Variants in KCNIP4 observed in about 807,000 individuals in gnomAD.
KCNIP4 encodes Kv channel-interacting protein 4.
KCNIP4 carries 12 observed loss-of-function variants against 34.0 expected under a neutral mutation model. The observed-to-expected ratio is 0.35, with a 90% CI of 0.23 to 0.57. The LOEUF (loss-of-function observed/expected upper bound fraction) is 0.57, where lower values mean the gene tolerates loss of function less well. Among genes scored for constraint, KCNIP4 ranks in the 20% least tolerant of loss-of-function variants. The pLI, the probability that KCNIP4 is intolerant of heterozygous loss-of-function variation, is 0.83. For synonymous variants in KCNIP4, 124 were observed against 102.2 expected (o/e 1.21, Z -1.29); for missense variants, 238 against 311.7 (o/e 0.76, Z 1.78).
chr4:20,927,794 T>C (rs1382077478), intron 1 of KCNIP4, among the ~76,000 whole-genome samples: 2 of 152,192 alleles, frequency 1.3e-5, no homozygotes, highest in Admixed American at 6.5e-5. Context: ...TGTATTCAAC[T>C]GAATAGTAAC....
At chr4:21,560,708 C>G (rs1739434911) in intron 1 of KCNIP4, among the ~76,000 whole-genome samples, 1 of 152,078 alleles carries the variant, frequency 6.6e-6, no homozygotes, top group Admixed American at 6.6e-5. Flanking sequence ...AGCAATGAAA[C>G]CATTTGGGGT....
At chr4:21,477,510 G>A (rs890637777) in intron 1 of KCNIP4, among the ~76,000 whole-genome samples, 3 of 152,118 alleles carry the variant, frequency 2.0e-5, no homozygotes, top group Admixed American at 2.0e-4. Flanking sequence ...TATTATGGGG[G>A]CCACAACTCC....
intron 1 of KCNIP4, among the ~76,000 whole-genome samples, chr4:21,367,557 A>G (rs1463163281): frequency 7.6e-6 from 1 of 132,418 alleles, no homozygotes; most frequent in Non-Finnish European, 1.5e-5. Flanking sequence ...TTAGCAAGTC[A>G]TACATTTTAT....
chr4:21,477,638 A>G (rs1352357317), intron 1 of KCNIP4, among the ~76,000 whole-genome samples: 1 of 152,182 alleles, frequency 6.6e-6, no homozygotes, highest in Non-Finnish European at 1.5e-5. Context: ...TAAGAGAGCA[A>G]TAAATGAAGA....
intron 1 of KCNIP4, among the ~76,000 whole-genome samples, chr4:21,435,043 A>G (rs560482589): frequency 1.3e-5 from 2 of 152,312 alleles, no homozygotes; most frequent in South Asian, 2.1e-4. Context: ...TCATCTCAAA[A>G]CATATGCACT....
intron 1 of KCNIP4, among the ~76,000 whole-genome samples, chr4:21,288,132 G>A (rs1331766804): frequency 1.3e-5 from 2 of 152,166 alleles, no homozygotes; most frequent in African/African-American, 4.8e-5. Context: ...CTCCTGAACA[G>A]TCTCTCTTGA....
At chr4:21,671,454 A>G (rs906018759) in intron 1 of KCNIP4, among the ~76,000 whole-genome samples, 2 of 152,192 alleles carry the variant, frequency 1.3e-5, no homozygotes, top group African/African-American at 4.8e-5. Flanking sequence ...TTAAAATTAT[A>G]GGGGAGGCCT....
In KCNIP4 at chr4:21,253,627, C is replaced by T. The variant is rs556317686; in HGVS notation, c.62-370918G>A. 9.2e-5 allele frequency among the ~76,000 whole-genome samples: 14 copies of T among 152,250 alleles called. No homozygotes were observed. In the East Asian group the frequency reaches 1.5e-3, roughly 17 times the overall value. ...TTACATAGCCATTCAAATCTTTCTTCGATACCTTGAAAATAGATTCTTAAT... is the reference window on the plus strand; with the variant it reads ...TTACATAGCCATTCAAATCTTTCTTTGATACCTTGAAAATAGATTCTTAAT... On this transcript the variant is annotated intron_variant, in intron 1 of 8. Transcript: ENST00000382152.
intron 1 of KCNIP4, among the ~76,000 whole-genome samples, chr4:20,886,264 C>A (rs1381730583): frequency 6.6e-6 from 1 of 152,180 alleles, no homozygotes; most frequent in South Asian, 2.1e-4. Context: ...GTGTGCTTCA[C>A]AAATGCCCTG....
intron 2 of KCNIP4, among the ~76,000 whole-genome samples, chr4:20,877,956 T>C (rs1223187303): frequency 1.5e-5 from 2 of 136,820 alleles, no homozygotes; most frequent in Admixed American, 1.4e-4. Flanking sequence ...CCAGAGCTAA[T>C]GTTTTCTCTC....
intron 1 of KCNIP4, among the ~76,000 whole-genome samples, chr4:21,917,227 C>T (rs1277784969): frequency 1.3e-5 from 2 of 151,922 alleles, no homozygotes; most frequent in Admixed American, 6.6e-5. Context: ...CTCCACCTCT[C>T]GGGTTCACAC....
chr4:20,898,655 C>A (rs1726821359), intron 1 of KCNIP4, among the ~76,000 whole-genome samples: 1 of 152,102 alleles, frequency 6.6e-6, no homozygotes, highest in African/African-American at 2.4e-5. Context: ...ATATCTAGCA[C>A]CTAAGTATCT....
intron 1 of KCNIP4, among the ~76,000 whole-genome samples, chr4:21,511,432 G>A (rs1734304315): frequency 6.6e-6 from 1 of 151,844 alleles, no homozygotes; most frequent in Non-Finnish European, 1.5e-5. Context: ...CTTGAAAATA[G>A]ATAAATAACA....
chr4:21,076,622 A>G (rs1745509601), intron 1 of KCNIP4, among the ~76,000 whole-genome samples: 1 of 152,196 alleles, frequency 6.6e-6, no homozygotes, highest in South Asian at 2.1e-4. Flanking sequence ...CTATGACATT[A>G]AAGTACAGAG....
intron 1 of KCNIP4, among the ~76,000 whole-genome samples, chr4:21,450,922 C>G (rs922327067): frequency 1.3e-5 from 2 of 152,040 alleles, no homozygotes; most frequent in African/African-American, 4.8e-5. Context: ...ATTTGAAAAT[C>G]ACAAATAATT....
chr4:21,544,872 G>A (rs1434715861), intron 1 of KCNIP4, among the ~76,000 whole-genome samples: 1 of 151,488 alleles, frequency 6.6e-6, no homozygotes, highest in Admixed American at 6.6e-5. Context: ...AAATCTTTCT[G>A]GCTTGTTCTT....
At chr4:20,855,707 A>G (rs1560517961) in intron 2 of KCNIP4, among the ~76,000 whole-genome samples, 1 of 152,170 alleles carries the variant, frequency 6.6e-6, no homozygotes, top group Non-Finnish European at 1.5e-5. Context: ...TGGAGTGGCT[A>G]TATTTGTGAA....
At chr4:21,803,019 A>T (rs1318452836) in intron 1 of KCNIP4, among the ~76,000 whole-genome samples, 1 of 152,162 alleles carries the variant, frequency 6.6e-6, no homozygotes, top group Non-Finnish European at 1.5e-5. Context: ...AAATTCTCCC[A>T]GTTCCATGTC....
Position 21,684,469 on chromosome 4 carries a change from C to T in KCNIP4, c.61+264102G>A, listed in dbSNP as rs187925922. Among the ~76,000 whole-genome samples, 960 of 152,120 alleles carry T rather than the reference C, an allele frequency of 6.3e-3. 10 individuals are homozygous for T. The highest frequency in any genetic ancestry group is 0.021 in the African/African-American group (890 of 41,484). On this transcript the variant is annotated intron_variant, in intron 1 of 8. Coordinates refer to ENST00000382152, the MANE Select transcript of KCNIP4 (RefSeq NM_025221.6). ...ATGGTTGTCTTTCCTAAAACTAGGA[C>T]TTTAACATCTACGCAAATCTGTTAT... is the stretch of plus-strand genomic sequence containing the variant.
Sources: allele counts gnomAD v4.1 joint callset (sites outside exome capture counted in the v4.1 genomes callset), GRCh38; gene constraint gnomAD v4.1.1; transcripts MANE v1.5; gene names NCBI Gene and HGNC (gene_info 2026-07-23, HGNC 2026-07-21).